Variants in DNAH6 observed in about 807,000 individuals in gnomAD.
DNAH6 encodes axonemal beta dynein heavy chain 6.
Under a neutral mutation model 491.4 loss-of-function variants are expected in DNAH6, and 340 were observed. The ratio of observed to expected loss-of-function variants is 0.69; its 90% CI spans 0.63 to 0.76. The LOEUF (loss-of-function observed/expected upper bound fraction) is 0.76, where lower values mean the gene tolerates loss of function less well. Among genes scored for constraint, DNAH6 ranks in the 30% least tolerant of loss-of-function variants. DNAH6 has a pLI of 0.00. For synonymous variants in DNAH6, 1,603 were observed against 1,686.1 expected (o/e 0.95, Z 1.21); for missense variants, 4,443 against 4,972.2 (o/e 0.89, Z 3.20).
chr2:84,675,023 T>C (rs1442023409), intron 40 of DNAH6, among the ~76,000 whole-genome samples: 1 of 152,190 alleles, frequency 6.6e-6, no homozygotes, highest in African/African-American at 2.4e-5. Context: ...GTCCTCTACC[T>C]GGAAGGGCCC....
intron 18 of DNAH6, among the ~76,000 whole-genome samples, chr2:84,596,386 C>T (rs1225964746): frequency 1.3e-5 from 2 of 152,062 alleles, no homozygotes; most frequent in South Asian, 2.1e-4. Context: ...TGCAGTGGCA[C>T]GATCTCGGCT....
intron 70 of DNAH6, among the ~76,000 whole-genome samples, chr2:84,804,479 A>G (rs1476686665): frequency 6.6e-6 from 1 of 152,094 alleles, no homozygotes; most frequent in Non-Finnish European, 1.5e-5. Flanking sequence ...AAGTTGAAGT[A>G]AGCTATAGTT....
At chr2:84,598,127 T>TTTTCTTTC (rs56356355) in intron 18 of DNAH6, among the ~76,000 whole-genome samples, 28,138 of 109,104 alleles carry the variant, frequency 0.26, 4,180 homozygotes, top group South Asian at 0.33. Flanking sequence ...TCTATCTTTC[T>TTTTCTTTC]TTTCTTTCTT....
intron 70 of DNAH6, among the ~76,000 whole-genome samples, chr2:84,798,877 G>A (rs1444490866): frequency 6.6e-6 from 1 of 152,132 alleles, no homozygotes; most frequent in Non-Finnish European, 1.5e-5. Context: ...CACCACCCAG[G>A]GATATCAAGT....
chr2:84,737,965 A>T (rs1216528283), intron 62 of DNAH6, among the ~76,000 whole-genome samples: 1 of 150,998 alleles, frequency 6.6e-6, no homozygotes, highest in Non-Finnish European at 1.5e-5. Context: ...GTCATTTCTA[A>T]CTTCTCGATG....
At chr2:84,742,247 C>T (rs1434783638) in intron 62 of DNAH6, among the ~76,000 whole-genome samples, 1 of 152,160 alleles carries the variant, frequency 6.6e-6, no homozygotes, top group Non-Finnish European at 1.5e-5. Context: ...TATATTTCTG[C>T]ACTCTTTACT....
At chr2:84,700,639 AAG>A (rs1411113479) in intron 48 of DNAH6, among the ~76,000 whole-genome samples, 2 of 152,216 alleles carry the variant, frequency 1.3e-5, no homozygotes, top group Non-Finnish European at 2.9e-5. Context: ...GGCATGAAGT[AAG>A]AGAGTTGCAT....
intron 72 of DNAH6, among the ~76,000 whole-genome samples, chr2:84,810,426 T>A (rs180956486): frequency 6.6e-6 from 1 of 152,146 alleles, no homozygotes; most frequent in South Asian, 2.1e-4. Context: ...GGAATTCCCC[T>A]AATGGAAGCA....
chr2:84,662,302 G>A (rs1297460777), intron 37 of DNAH6, among the ~76,000 whole-genome samples: 1 of 152,090 alleles, frequency 6.6e-6, no homozygotes, highest in Non-Finnish European at 1.5e-5. Flanking sequence ...AGCAGGGTGG[G>A]GCATCACCTC....
In DNAH6 at chr2:84,710,514, A is replaced by C. The variant is rs190680610; in HGVS notation, c.9378+102A>C. On this transcript the variant is annotated intron_variant, in intron 56 of 76. Coordinates refer to ENST00000389394, the MANE Select transcript of DNAH6 (RefSeq NM_001370.2). The stretch of plus-strand genomic sequence containing the variant: ...CCCATCATGCTAAAGACACCAGTCA[A>C]CTCCATTTTCAAATTGGTCAAACCA... 2.5e-6 allele frequency: 3 copies of C among 1,191,328 alleles called. No individual in the cohort carries two copies. In the African/African-American group the frequency reaches 4.7e-5, roughly 18 times the overall value. The allele number at this position is 1,191,328 out of a possible 1,614,324, so 73.8% of individuals were successfully genotyped here. A position where few individuals can be genotyped will look rare whatever the true frequency, so the allele number is the denominator to read the frequency against.
chr2:84,726,688 G>C (rs931731100), intron 60 of DNAH6, among the ~76,000 whole-genome samples: 5 of 152,010 alleles, frequency 3.3e-5, no homozygotes, highest in Non-Finnish European at 7.4e-5. Context: ...ACAAGTTAAT[G>C]GGTGCAGCAC....
the DNAH6 span, among the ~76,000 whole-genome samples, chr2:84,477,228 G>C: frequency 6.6e-6 from 1 of 152,154 alleles, no homozygotes; most frequent in Non-Finnish European, 1.5e-5. Context: ...AAAAGGGCAG[G>C]CTCATGATCT....
At chr2:84,725,633 G>T (rs1187236256) in intron 60 of DNAH6, among the ~76,000 whole-genome samples, 2 of 152,158 alleles carry the variant, frequency 1.3e-5, no homozygotes, top group Non-Finnish European at 2.9e-5. Flanking sequence ...AAGTGAAAAG[G>T]CCCTAAAATA....
Position 84,616,867 on chromosome 2 carries a change from A to ATT in DNAH6, c.3476-11_3476-10dup. On this transcript the variant is annotated intron_variant, in intron 22 of 76. Transcript: ENST00000389394. ...ATTTTAACACAGTTTTACCAATACT[A>ATT]TTTTTTTTTAATGAACAGGACTTCT... is the stretch of plus-strand genomic sequence containing the variant. 9.5e-6 allele frequency: 12 copies of ATT among 1,265,032 alleles called. No homozygotes were observed. The highest frequency in any genetic ancestry group is 6.3e-5 in the East Asian group (2 of 31,988). 78.4% of individuals were successfully genotyped at this position (1,265,032 alleles called of 1,614,324 possible).
In DNAH6 at chr2:84,703,691, G is replaced by GTTT. The variant is rs11424668; in HGVS notation, c.8229+140_8229+142dup. ...ATAATTAAGTGATAGATTTAGCAAA[G>GTTT]TTTTTTTTTTTTTAGCAATTTAGCA... is the stretch of plus-strand genomic sequence containing the variant. On this transcript the variant is annotated intron_variant, in intron 50 of 76. Transcript: ENST00000389394. The GTTT allele has an allele frequency of 4.9e-3, 3,313 of 681,886 alleles. 1 individual carries two copies. Among genetic ancestry groups the GTTT allele is most frequent in the South Asian group, 9.1e-3 (218 of 23,942 alleles). The allele number at this position is 681,886 out of a possible 1,614,324, so 42.2% of individuals were successfully genotyped here.
chr2:84,545,484 G>C (rs1432947285), intron 5 of DNAH6, among the ~76,000 whole-genome samples: 1 of 152,056 alleles, frequency 6.6e-6, no homozygotes, highest in African/African-American at 2.4e-5. Flanking sequence ...TTGTTGCTAG[G>C]TATGTAAAAT....
chr2:84,562,019 C>A (rs1283571317), intron 11 of DNAH6, among the ~76,000 whole-genome samples: 2 of 151,680 alleles, frequency 1.3e-5, no homozygotes, highest in African/African-American at 4.9e-5. Context: ...AAGATAGATA[C>A]AAGAATAGGA....
rs530101093 is a variant in DNAH6, at chr2:84,599,847, C to T, written c.2868+4058C>T. Among the ~76,000 whole-genome samples the T allele has an allele frequency of 2.0e-4, 30 of 152,254 alleles. No homozygotes were observed. The South Asian group carries it at 6.2e-3, about 32-fold the overall frequency. ...ACAATTATTTTGTCTATTCTAATTC[C>T]TTTGCCTTTCCATATCTATTTTATA... On this transcript the variant is annotated intron_variant, in intron 18 of 76. Coordinates refer to ENST00000389394, the MANE Select transcript of DNAH6 (RefSeq NM_001370.2).
intron 3 of DNAH6, among the ~76,000 whole-genome samples, chr2:84,526,401 A>G (rs1676605584): frequency 1.3e-5 from 2 of 152,158 alleles, no homozygotes; most frequent in Non-Finnish European, 1.5e-5. Flanking sequence ...ACAGTTGAGG[A>G]CAAGGTCTGT....
Sources: gnomAD v4.1 joint callset for allele counts (sites outside exome capture counted in the v4.1 genomes callset) on GRCh38, gnomAD v4.1.1 for gene constraint, MANE v1.5 for transcripts, NCBI Gene and HGNC (gene_info 2026-07-23, HGNC 2026-07-21) for gene names.